The following TUFM variants were observed in gnomAD, a reference collection of about 807,000 sequenced individuals.
TUFM encodes elongation factor Tu, mitochondrial.
TUFM carries 23 observed loss-of-function variants against 45.0 expected under a neutral mutation model. The ratio of observed to expected loss-of-function variants is 0.51; its 90% confidence interval spans 0.37 to 0.72. TUFM has a LOEUF of 0.72. Ranked by LOEUF, TUFM falls within the 30% of genes least tolerant of loss-of-function variation. The pLI, the probability that TUFM is intolerant of heterozygous loss-of-function variation, is 0.00. For missense variants in TUFM, 490 were observed against 610.7 expected, an observed-to-expected ratio of 0.80 and a Z score of 2.08; for synonymous variants, 243 against 252.9, an observed-to-expected ratio of 0.96 and a Z score of 0.37.
chr16:28,844,789 A>T lies in TUFM; in HGVS notation c.593T>A (p.Val198Glu). The T allele has an allele frequency of 6.2e-7, 1 of 1,613,966 alleles. No homozygotes were observed. The highest frequency in any genetic ancestry group is 8.5e-7 in the Non-Finnish European group (1 of 1,179,976). ...AVQDSEMVEL[V>E]ELEIRELLTE... is the part of the protein sequence containing the mutation. ...GAGCAGCTCCCGGATCTCCAGTTCC[A>T]CCAGTTCCACCATCTCAGAGTCCTG... The change falls in exon 5 of 10, where the codon GTG becomes GAG. Residue 198 changes from valine (V) to glutamate (E), a missense_variant. Coordinates refer to ENST00000313511, the MANE Select transcript of TUFM (RefSeq NM_003321.5). The surrounding 1 kb of genome is among the most constrained non-coding windows in gnomAD (Gnocchi z 5.8).
In TUFM at chr16:28,842,875, TG is replaced by T; in HGVS notation, c.*99del. 1 of 1,489,038 alleles carries T rather than the reference TG, an allele frequency of 6.7e-7. No homozygotes were observed. The highest frequency in any genetic ancestry group is 9.3e-7 in the Non-Finnish European group (1 of 1,070,656). The allele number at this position is 1,489,038 out of a possible 1,614,324, so 92.2% of individuals were successfully genotyped here. Reference sequence around the variant, plus strand: ...AAATGTCCATCTAGCTGCCCTCTGCTGGGTTGCAGCCTATGCCATGAGAGGG... The same window carrying T: ...AAATGTCCATCTAGCTGCCCTCTGCTGGTTGCAGCCTATGCCATGAGAGGG... On this transcript the variant is annotated 3_prime_UTR_variant, in exon 10 of 10. Coordinates refer to ENST00000313511, the MANE Select transcript of TUFM (RefSeq NM_003321.5).
chr16:28,842,730 AC>A lies in TUFM; in HGVS notation c.*244del, dbSNP rs1448780648. On this transcript the variant is annotated 3_prime_UTR_variant, in exon 10 of 10. Coordinates refer to ENST00000313511, the MANE Select transcript of TUFM (RefSeq NM_003321.5). ...GCTCCCCATCTGTCTGGGGTTCAAC[AC>A]CCTTTTTGTCCTCCCCTATCCTCTC... is the stretch of plus-strand genomic sequence containing the variant. 2.0e-5 allele frequency: 11 copies of A among 558,042 alleles called. No homozygotes were observed. Among genetic ancestry groups the A allele is most frequent in the Non-Finnish European group, 3.2e-5 (10 of 309,576 alleles). 34.6% of individuals were successfully genotyped at this position (558,042 alleles called of 1,614,324 possible). A position where few individuals can be genotyped will look rare whatever the true frequency, so the allele number is the denominator to read the frequency against.
rs1192093727 is a variant in TUFM, at chr16:28,845,350, G to A, written c.378C>T (p.Ala126=). ...VEYSTAARHY[A]HTDCPGHADY... ...CTGCATGACCCGGGCAGTCTGTGTGGGCGTAGTGGCGGGCGGCAGTGCTAT... is the reference window on the plus strand; with the variant it reads ...CTGCATGACCCGGGCAGTCTGTGTGAGCGTAGTGGCGGGCGGCAGTGCTAT... The change falls in exon 3 of 10, where the codon GCC becomes GCT. Residue 126 remains alanine (A), a synonymous_variant. Coordinates refer to ENST00000313511, the MANE Select transcript of TUFM (RefSeq NM_003321.5). 1.9e-6 allele frequency: 3 copies of A among 1,614,154 alleles called. No homozygotes were observed. Among genetic ancestry groups the A allele is most frequent in the Non-Finnish European group, 2.5e-6 (3 of 1,180,042 alleles).
At position 28,845,989 on chromosome 16, in the gene TUFM, TCG is replaced by T. The variant is rs1220465545; in HGVS notation, c.168_169del (p.Asp57GlnfsTer29). On this transcript the variant is annotated frameshift_variant, in exon 2 of 10. Coordinates refer to ENST00000313511, the MANE Select transcript of TUFM (RefSeq NM_003321.5). LOFTEE classifies it high-confidence loss of function. ...GGTACCCACATTCACATGTGGCTTG[TCG>T]CGCACGTAAGTCTTCTTGGCCTCCA... 6.2e-7 allele frequency: 1 copy of T among 1,613,956 alleles called. No homozygotes were observed. Among genetic ancestry groups the T allele is most frequent in the Non-Finnish European group, 8.5e-7 (1 of 1,179,974 alleles).
intron 2 of TUFM, 54 bp downstream of exon 2, chr16:28,845,858 G>A: frequency 6.2e-7 from 1 of 1,603,748 alleles, no homozygotes; most frequent in Non-Finnish European, 8.5e-7. Flanking sequence ...TGCCTCCCTG[G>A]CTCCAGGTCC....
In TUFM at chr16:28,842,830, C is replaced by T; in HGVS notation, c.*145G>A. The T allele has an allele frequency of 9.0e-7, 1 of 1,110,548 alleles. No individual in the cohort carries two copies. Among genetic ancestry groups the T allele is most frequent in the South Asian group, 1.3e-5 (1 of 79,146 alleles). 68.8% of individuals were successfully genotyped at this position (1,110,548 alleles called of 1,614,324 possible). On this transcript the variant is annotated 3_prime_UTR_variant, in exon 10 of 10. Transcript: ENST00000313511. Reference sequence around the variant, plus strand: ...TTACTGACCTCCCCAGCCAGGCAGGCCAACCCTTCCGAGCAGGGGAAATGT... The same window carrying T: ...TTACTGACCTCCCCAGCCAGGCAGGTCAACCCTTCCGAGCAGGGGAAATGT...
rs779985614 is a variant in TUFM at position 28,843,158 on chromosome 16, G to C, written c.1195-10C>G. 2 of 1,614,046 alleles carry C rather than the reference G, an allele frequency of 1.2e-6. No homozygotes were observed. The highest frequency in any genetic ancestry group is 1.7e-6 in the Non-Finnish European group (2 of 1,180,016). ...CGGGCATGGCAAGCTCCTAGAGTAG[G>C]AAGAGAAGGATCATGCGTGGCCTCC... On this transcript the variant is annotated splice_polypyrimidine_tract_variant and intron_variant, in intron 9 of 9. Coordinates refer to ENST00000313511, the MANE Select transcript of TUFM (RefSeq NM_003321.5).
chr16:28,843,976 T>C lies in TUFM; in HGVS notation c.1048A>G (p.Lys350Glu), dbSNP rs140375296. 11 of 1,613,980 alleles carry C rather than the reference T, an allele frequency of 6.8e-6. No homozygotes were observed. In the African/African-American group the frequency reaches 1.5e-4, roughly 22 times the overall value. Residue 350 changes from lysine (K) to glutamate (E), a missense_variant, in exon 8 of 10, where the codon AAG (lysine) becomes GAG (glutamate). Physicochemically the swap from Lys to Glu is moderately conservative, Grantham distance 56. Coordinates refer to ENST00000313511, the MANE Select transcript of TUFM (RefSeq NM_003321.5). ...TGGGCCTCCACCTTCTGGTGGGGCTTGATGGAACCTGGCTTGACCATGACC... is the reference window on the plus strand; with the variant it reads ...TGGGCCTCCACCTTCTGGTGGGGCTCGATGGAACCTGGCTTGACCATGACC... ...GLVMVKPGSI[K>E]PHQKVEAQVY...
In TUFM at chr16:28,844,658, C is replaced by T. The variant is rs770975287; in HGVS notation, c.684+40G>A. 9.9e-6 allele frequency: 16 copies of T among 1,614,140 alleles called. No individual in the cohort carries two copies. The highest frequency in any genetic ancestry group is 1.3e-5 in the African/African-American group (1 of 75,042). ...AGAGCTCTGGGTGCCCATCCAGCCC[C>T]ACCCTCTGCAGCAGCTGCCCTGCCT... On this transcript the variant is annotated intron_variant, in intron 5 of 9. Coordinates refer to ENST00000313511, the MANE Select transcript of TUFM (RefSeq NM_003321.5). This position sits in a 1 kb window ranked among gnomAD's most constrained non-coding sequence, Gnocchi z 5.8.
In TUFM at chr16:28,846,003, C is replaced by T; in HGVS notation, c.156G>A (p.Lys52=). The T allele has an allele frequency of 1.2e-6, 2 of 1,613,944 alleles. No individual in the cohort carries two copies. The highest frequency in any genetic ancestry group is 8.5e-7 in the Non-Finnish European group (1 of 1,179,992). Residue 52 remains lysine (K), a synonymous_variant, in exon 2 of 10, where the codon AAG becomes AAA. Transcript: ENST00000313511. The part of the protein sequence containing the change: ...LCRGLAVEAK[K]TYVRDKPHVN... ...CATGTGGCTTGTCGCGCACGTAAGTCTTCTTGGCCTCCACGGCCAGGCCGC... is the reference window on the plus strand; with the variant it reads ...CATGTGGCTTGTCGCGCACGTAAGTTTTCTTGGCCTCCACGGCCAGGCCGC...
chr16:28,844,173 T>C lies in TUFM; in HGVS notation c.922+57A>G. 6.2e-7 allele frequency: 1 copy of C among 1,613,688 alleles called. No homozygotes were observed. Among genetic ancestry groups the C allele is most frequent in the Non-Finnish European group, 8.5e-7 (1 of 1,179,576 alleles). The stretch of plus-strand genomic sequence containing the variant: ...AGACAGAGGGAAGGCACAAGGGATC[T>C]GCCGGGGTAAGGCCACCCTTCAGCC... On this transcript the variant is annotated intron_variant, in intron 7 of 9. Coordinates refer to ENST00000313511, the MANE Select transcript of TUFM (RefSeq NM_003321.5). This position sits in a 1 kb window ranked among gnomAD's most constrained non-coding sequence, Gnocchi z 5.8.
chr16:28,845,152 TTCTC>T, intron 3 of TUFM, 97 bp from the exon 4 acceptor site: 1 of 1,561,284 alleles, frequency 6.4e-7, no homozygotes, highest in South Asian at 1.1e-5. Flanking sequence ...AGGCCCACCT[TTCTC>T]TACCATCTCC....
chr16:28,844,684 G>T lies in TUFM; in HGVS notation c.684+14C>A. 1 of 1,614,148 alleles carries T rather than the reference G, an allele frequency of 6.2e-7. No homozygotes were observed. Among genetic ancestry groups the T allele is most frequent in the South Asian group, 1.1e-5 (1 of 91,082 alleles). ...ACCCTCTGCAGCAGCTGCCCTGCCT[G>T]ACCCCGCGTTCACCTCAAGGGCACA... On this transcript the variant is annotated intron_variant, in intron 5 of 9. Coordinates refer to ENST00000313511, the MANE Select transcript of TUFM (RefSeq NM_003321.5). The surrounding 1 kb of genome is among the most constrained non-coding windows in gnomAD (Gnocchi z 5.8).
rs992321468 is a variant in TUFM at position 28,844,421 on chromosome 16, G to A, written c.815C>T (p.Pro272Leu). ...GTGGGAACAGACAGAGTCCTCACCAGGGACGGAGTACACCGCCTCCACAGG... is the reference window on the plus strand; with the variant it reads ...GTGGGAACAGACAGAGTCCTCACCAAGGACGGAGTACACCGCCTCCACAGG... ...LLPVEAVYSV[P>L]GRGTVVTGTL... The change falls in exon 6 of 10, where the codon CCT becomes CTT. Residue 272 changes from proline (P) to leucine (L), a missense_variant and splice_region_variant. Coordinates refer to ENST00000313511, the MANE Select transcript of TUFM (RefSeq NM_003321.5). The surrounding 1 kb of genome is among the most constrained non-coding windows in gnomAD (Gnocchi z 5.8). 1 of 1,614,188 alleles carries A rather than the reference G, an allele frequency of 6.2e-7. No homozygotes were observed. Among genetic ancestry groups the A allele is most frequent in the Non-Finnish European group, 8.5e-7 (1 of 1,180,042 alleles).
In TUFM at chr16:28,842,663, T is replaced by C; in HGVS notation, c.*312A>G. ...GTGTCTAGGCAATCACTAAGCTCAC[T>C]GGACTTGATTTATCCGTTAAAACTG... On this transcript the variant is annotated 3_prime_UTR_variant, in exon 10 of 10. Coordinates refer to ENST00000313511, the MANE Select transcript of TUFM (RefSeq NM_003321.5). The C allele has an allele frequency of 2.4e-6, 1 of 421,414 alleles. No homozygotes were observed. The highest frequency in any genetic ancestry group is 2.1e-5 in the South Asian group (1 of 46,602). The allele number at this position is 421,414 out of a possible 1,614,324, so 26.1% of individuals were successfully genotyped here. A position where few individuals can be genotyped will look rare whatever the true frequency, so the allele number is the denominator to read the frequency against.
In TUFM at chr16:28,846,304, G is replaced by A; in HGVS notation, c.-35C>T. The A allele has an allele frequency of 2.6e-6, 4 of 1,545,734 alleles. No homozygotes were observed. Among genetic ancestry groups the A allele is most frequent in the Non-Finnish European group, 3.5e-6 (4 of 1,142,916 alleles). ...CCGGTAACCGGGGAGCCGGGACCAG[G>A]AGCCCGAGCGCACAGAAGAAGAAGG... is the stretch of plus-strand genomic sequence containing the variant. On this transcript the variant is annotated 5_prime_UTR_variant, in exon 1 of 10. Transcript: ENST00000313511.
rs902728433 is a variant in TUFM, at chr16:28,843,391, G to T, written c.1195-243C>A. 2.0e-5 allele frequency among the ~76,000 whole-genome samples: 3 copies of T among 152,174 alleles called. No homozygotes were observed. The East Asian group carries it at 5.8e-4, about 29-fold the overall frequency. On this transcript the variant is annotated intron_variant, in intron 9 of 9. Transcript: ENST00000313511. ...ATGTTCTTGAGAAAAAAATGTCTAG[G>T]AAGTTGTGGGTTATGCAGGTTTCTT...
In TUFM at chr16:28,844,914, C is replaced by T. The variant is rs772902690; in HGVS notation, c.519+37G>A. ...ATATACAGAGGGGCCCAACTCCCCA[C>T]TCTTCCCTTTTGCATCCTTACCCAG... On this transcript the variant is annotated intron_variant, in intron 4 of 9. Transcript: ENST00000313511. The surrounding 1 kb of genome is among the most constrained non-coding windows in gnomAD (Gnocchi z 5.8). 2 of 1,614,174 alleles carry T rather than the reference C, an allele frequency of 1.2e-6. No homozygotes were observed. The highest frequency in any genetic ancestry group is 8.5e-7 in the Non-Finnish European group (1 of 1,180,012).
At position 28,844,202 on chromosome 16, in the gene TUFM, C is replaced by T; in HGVS notation, c.922+28G>A. The T allele has an allele frequency of 6.2e-7, 1 of 1,613,962 alleles. No homozygotes were observed. Among genetic ancestry groups the T allele is most frequent in the Non-Finnish European group, 8.5e-7 (1 of 1,179,810 alleles). ...GGGGTAAGGCCACCCTTCAGCCAGGCCCTGCTCTCCAGACTGGCTTCCCAA... is the reference window on the plus strand; with the variant it reads ...GGGGTAAGGCCACCCTTCAGCCAGGTCCTGCTCTCCAGACTGGCTTCCCAA... On this transcript the variant is annotated intron_variant, in intron 7 of 9. Coordinates refer to ENST00000313511, the MANE Select transcript of TUFM (RefSeq NM_003321.5). The surrounding 1 kb of genome is among the most constrained non-coding windows in gnomAD (Gnocchi z 5.8).
Sources: allele counts gnomAD v4.1 joint callset (sites outside exome capture counted in the v4.1 genomes callset), GRCh38; gene constraint gnomAD v4.1.1; non-coding constraint Gnocchi (gnomAD v3.1); transcripts MANE v1.5; gene names NCBI Gene and HGNC (gene_info 2026-07-23, HGNC 2026-07-21).